Variants in ABCF1 observed in about 807,000 individuals in gnomAD.
ABCF1 encodes the protein ATP binding cassette subfamily F member 1, also known as ATP-binding cassette sub-family F member 1.
A neutral mutation model predicts 126.3 loss-of-function variants in ABCF1; 73 were observed. The ratio of observed to expected loss-of-function variants is 0.58; its 90% confidence interval spans 0.48 to 0.70. The LOEUF (loss-of-function observed/expected upper bound fraction) is 0.70, where lower values mean the gene tolerates loss of function less well. Ranked by LOEUF, ABCF1 falls within the 30% of genes least tolerant of loss-of-function variation. The probability of loss-of-function intolerance (pLI) is 0.00; values close to 1 mark genes in which losing one functional copy is unlikely to be tolerated. For missense variants in ABCF1, 786 were observed against 1,057.5 expected (o/e 0.74, Z 3.56); for synonymous variants, 345 against 396.4 (o/e 0.87, Z 1.54).
rs1258747985 is a variant in ABCF1 at position 30,583,569 on chromosome 6, C to A, written c.916-39C>A. On this transcript the variant is annotated intron_variant, in intron 10 of 24. Coordinates refer to ENST00000326195, the MANE Select transcript of ABCF1 (RefSeq NM_001025091.2). This position sits in a 1 kb window ranked among gnomAD's most constrained non-coding sequence, Gnocchi z 4.1. ...CCCAAAGGGAGAATTTTCATGTGAT[C>A]ATCCCTTCCCTCTGCCACCTCTTTC... 1.2e-6 allele frequency: 2 copies of A among 1,600,148 alleles called. No individual in the cohort carries two copies. The highest frequency in any genetic ancestry group is 3.3e-4 in the Middle Eastern group (2 of 6,004).
chr6:30,578,658 C>A, intron 6 of ABCF1, 81 bp downstream of exon 6: 1 of 1,204,538 alleles, frequency 8.3e-7, no homozygotes, highest in Non-Finnish European at 1.2e-6. Flanking sequence ...CGCTTTTAAA[C>A]TAGCTCTTCT....
At chr6:30,576,669 C>A (rs1404103668) in intron 1 of ABCF1, among the ~76,000 whole-genome samples, 1 of 152,132 alleles carries the variant, frequency 6.6e-6, no homozygotes, top group Non-Finnish European at 1.5e-5. Context: ...CCAGACTACT[C>A]TGACAGCCTC....
In ABCF1 at chr6:30,591,055, C is replaced by T; in HGVS notation, c.*354C>T. 2 of 240,070 alleles carry T rather than the reference C, an allele frequency of 8.3e-6. No individual in the cohort carries two copies. The highest frequency in any genetic ancestry group is 2.2e-5 in the African/African-American group (1 of 44,838). 14.9% of individuals were successfully genotyped at this position (240,070 alleles called of 1,614,324 possible). A position where few individuals can be genotyped will look rare whatever the true frequency, so the allele number is the denominator to read the frequency against. On this transcript the variant is annotated 3_prime_UTR_variant, in exon 25 of 25. Coordinates refer to ENST00000326195, the MANE Select transcript of ABCF1 (RefSeq NM_001025091.2). ...AGAAGCCTGCCTCTGATTTACCCTA[C>T]AGCTTCAGGCCCAGCTGCCCCCCAG... is the stretch of plus-strand genomic sequence containing the variant.
chr6:30,583,099 G>A lies in ABCF1; in HGVS notation c.826G>A (p.Ala276Thr), dbSNP rs752924162. 2 of 1,610,898 alleles carry A rather than the reference G, an allele frequency of 1.2e-6. No individual in the cohort carries two copies. Among genetic ancestry groups the A allele is most frequent in the Non-Finnish European group, 1.7e-6 (2 of 1,178,140 alleles). ...TGAGCGCCAAGTGGCTTCATTAAAAGCAGCCAATGCAGCTGAAAATGACTT... is the reference window on the plus strand; with the variant it reads ...TGAGCGCCAAGTGGCTTCATTAAAAACAGCCAATGCAGCTGAAAATGACTT... ...EYERQVASLKAANAAENDFSV... is the reference protein window; with the variant it reads ...EYERQVASLKTANAAENDFSV... Residue 276 changes from alanine (A) to threonine (T), a missense_variant, in exon 10 of 25, where the codon GCA becomes ACA. This residue lies in a region of ABCF1 where 163 missense variants were observed against 255.3 expected (regional missense o/e 0.64). Coordinates refer to ENST00000326195, the MANE Select transcript of ABCF1 (RefSeq NM_001025091.2). This position sits in a 1 kb window ranked among gnomAD's most constrained non-coding sequence, Gnocchi z 4.1.
Position 30,589,328 on chromosome 6 carries a change from C to T in ABCF1, c.2032-360C>T, listed in dbSNP as rs1424248428. The T allele has an allele frequency of 9.5e-6, 3 of 316,322 alleles. No homozygotes were observed. In the East Asian group the frequency reaches 2.4e-4, roughly 25 times the overall value. The allele number at this position is 316,322 out of a possible 1,614,324, so 19.6% of individuals were successfully genotyped here. On this transcript the variant is annotated intron_variant, in intron 20 of 24. Coordinates refer to ENST00000326195, the MANE Select transcript of ABCF1 (RefSeq NM_001025091.2). ...GCCCCTATTCCTTTTCTTATGCATACTTGTCCCTGGCCCATTTCTGGTGTT... is the reference window on the plus strand; with the variant it reads ...GCCCCTATTCCTTTTCTTATGCATATTTGTCCCTGGCCCATTTCTGGTGTT...
chr6:30,575,660 T>C (rs1801460230), intron 1 of ABCF1, among the ~76,000 whole-genome samples: 1 of 151,940 alleles, frequency 6.6e-6, no homozygotes. Context: ...GACAGGTAAA[T>C]ATGACACAAT....
Position 30,572,268 on chromosome 6 carries a change from A to G in ABCF1, c.73+708A>G, listed in dbSNP as rs147593044. 5.9e-3 allele frequency among the ~76,000 whole-genome samples: 895 copies of G among 152,318 alleles called. 8 individuals are homozygous for G. The highest frequency in any genetic ancestry group is 0.02 in the African/African-American group (843 of 41,570). ...AACTAATTTTAAAAGCACTTATTGG[A>G]TGCCTACTGTATACCAGGTACTGTG... On this transcript the variant is annotated intron_variant, in intron 1 of 24. Transcript: ENST00000326195.
intron 1 of ABCF1, among the ~76,000 whole-genome samples, chr6:30,575,420 T>C (rs1801449943): frequency 6.6e-6 from 1 of 151,498 alleles, no homozygotes; most frequent in South Asian, 2.1e-4. Context: ...TAGAATTAGA[T>C]AGCAGTGAAT....
Position 30,583,691 on chromosome 6 carries a change from G to T in ABCF1, c.999G>T (p.Gly333=). 1 of 1,614,076 alleles carries T rather than the reference G, an allele frequency of 6.2e-7. No homozygotes were observed. The highest frequency in any genetic ancestry group is 1.1e-5 in the South Asian group (1 of 91,090). The change falls in exon 11 of 25, where the codon GGG becomes GGT. Residue 333 remains glycine (G), a synonymous_variant. Coordinates refer to ENST00000326195, the MANE Select transcript of ABCF1 (RefSeq NM_001025091.2). The surrounding 1 kb of genome is among the most constrained non-coding windows in gnomAD (Gnocchi z 4.1). ...ACATTGTAGCCGGCCGCCGCTACGG[G>T]CTGGTAGGACCCAATGGGTGAGAAG... is the stretch of plus-strand genomic sequence containing the variant. ...DLYIVAGRRY[G]LVGPNGKGKT... is the part of the protein sequence containing the mutation.
chr6:30,588,995 G>A, intron 20 of ABCF1, among the ~76,000 whole-genome samples: 1 of 151,880 alleles, frequency 6.6e-6, no homozygotes, highest in Non-Finnish European at 1.5e-5. Flanking sequence ...TGTCATATTA[G>A]GGGAACATCC....
At chr6:30,582,652 C>T (rs1801886434) in intron 9 of ABCF1, 145 bp downstream of exon 9, 1 of 901,680 alleles carries the variant, frequency 1.1e-6, no homozygotes, top group Non-Finnish European at 1.7e-6. Flanking sequence ...GTTCTGTGAA[C>T]CTTATCTCAA....
chr6:30,578,345 C>T lies in ABCF1; in HGVS notation c.344-3C>T. ...ATCTCATGTTCTCCCCCTGTCATTTCAGTACCCGCCCCAAAACCCCGCGGA... is the reference window on the plus strand; with the variant it reads ...ATCTCATGTTCTCCCCCTGTCATTTTAGTACCCGCCCCAAAACCCCGCGGA... On this transcript the variant is annotated splice_region_variant and splice_polypyrimidine_tract_variant and intron_variant, in intron 4 of 24. Transcript: ENST00000326195. 1 of 1,614,112 alleles carries T rather than the reference C, an allele frequency of 6.2e-7. No individual in the cohort carries two copies. Among genetic ancestry groups the T allele is most frequent in the Non-Finnish European group, 8.5e-7 (1 of 1,180,016 alleles).
chr6:30,590,685 G>C lies in ABCF1; in HGVS notation c.2522G>C (p.Ser841Thr). The change falls in exon 25 of 25, where the codon AGC (serine) becomes ACC (threonine). Residue 841 changes from serine (S) to threonine (T), a missense_variant. This residue lies in a region of ABCF1 where 288 missense variants were observed against 423.5 expected (regional missense o/e 0.68). Coordinates refer to ENST00000326195, the MANE Select transcript of ABCF1 (RefSeq NM_001025091.2). ...GAGGCCCTGGGTGAAGTCATGGTCAGCCGGCCCCGAGAGTGAGCTTTCCTT... is the reference window on the plus strand; with the variant it reads ...GAGGCCCTGGGTGAAGTCATGGTCACCCGGCCCCGAGAGTGAGCTTTCCTT... ...VLEALGEVMV[S>T]RPRE The C allele has an allele frequency of 1.3e-6, 2 of 1,560,732 alleles. No individual in the cohort carries two copies. The highest frequency in any genetic ancestry group is 8.6e-7 in the Non-Finnish European group (1 of 1,160,536).
At chr6:30,571,712 G>C (rs1389118872) in intron 1 of ABCF1, 152 bp downstream of exon 1, 2 of 810,854 alleles carry the variant, frequency 2.5e-6, no homozygotes, top group African/African-American at 1.7e-5. Flanking sequence ...AGTTTGCCGG[G>C]GAGGAGTGGG....
chr6:30,577,866 A>G lies in ABCF1; in HGVS notation c.169A>G (p.Lys57Glu). 6.2e-7 allele frequency: 1 copy of G among 1,614,052 alleles called. No homozygotes were observed. Among genetic ancestry groups the G allele is most frequent in the East Asian group, 2.2e-5 (1 of 44,882 alleles). Residue 57 changes from lysine to glutamate, a missense_variant, in exon 3 of 25, where the codon AAA becomes GAA. This residue lies in a region of ABCF1 where 322 missense variants were observed against 322.9 expected (regional missense o/e 1.00). Transcript: ENST00000326195. ...VEDKQAGEEE[K>E]VLKEKEQQQQ... is the part of the protein sequence containing the mutation. Reference sequence around the variant, plus strand: ...AGATAAACAGGCTGGGGAAGAAGAGAAAGTGCTCAAGGAGAAGGAGCAGCA... The same window carrying G: ...AGATAAACAGGCTGGGGAAGAAGAGGAAGTGCTCAAGGAGAAGGAGCAGCA...
chr6:30,580,162 G>A (rs529894783), intron 7 of ABCF1, among the ~76,000 whole-genome samples, 157 bp downstream of exon 7: 5 of 152,006 alleles, frequency 3.3e-5, no homozygotes, highest in African/African-American at 9.6e-5. Flanking sequence ...CTGGTAACAC[G>A]GTAAAACCCC....
In ABCF1 at chr6:30,584,376, C is replaced by G. The variant is rs761785540; in HGVS notation, c.1243-42C>G. On this transcript the variant is annotated intron_variant, in intron 13 of 24. Transcript: ENST00000326195. The surrounding 1 kb of genome is among the most constrained non-coding windows in gnomAD (Gnocchi z 4.6). ...GGACACGGGCAAAGACTTGGGGGTT[C>G]CTGGGACCCTCAGACGTGTGTCCTC... 6.2e-7 allele frequency: 1 copy of G among 1,613,026 alleles called. No individual in the cohort carries two copies. Among genetic ancestry groups the G allele is most frequent in the Non-Finnish European group, 8.5e-7 (1 of 1,179,996 alleles).
At chr6:30,575,487 A>C (rs1801452603) in intron 1 of ABCF1, among the ~76,000 whole-genome samples, 1 of 151,996 alleles carries the variant, frequency 6.6e-6, no homozygotes, top group African/African-American at 2.4e-5. Context: ...AAGGGAAATC[A>C]TGAGGCTGCC....
chr6:30,585,404 G>A (rs1802062806), intron 15 of ABCF1, 61 bp downstream of exon 15: 7 of 1,590,946 alleles, frequency 4.4e-6, no homozygotes, highest in Non-Finnish European at 4.3e-6. Flanking sequence ...TTCCCTCCCT[G>A]CCCTGTTTTC....
Sources: allele counts gnomAD v4.1 joint callset (sites outside exome capture counted in the v4.1 genomes callset), GRCh38; gene constraint gnomAD v4.1.1; regional missense constraint gnomAD v4.1.1; non-coding constraint Gnocchi (gnomAD v3.1); transcripts MANE v1.5; gene names NCBI Gene and HGNC (gene_info 2026-07-23, HGNC 2026-07-21).